SNX29: variants seen among roughly 807,000 people sequenced by gnomAD.
SNX29 encodes the protein sorting nexin-29.
A neutral mutation model predicts 102.1 loss-of-function variants in SNX29; 78 were observed. The ratio of observed to expected loss-of-function variants is 0.76; its 90% CI spans 0.64 to 0.92. The LOEUF (loss-of-function observed/expected upper bound fraction) is 0.92. Among genes scored for constraint, SNX29 ranks in the 40% least tolerant of loss-of-function variants. The pLI is 0.00. For synonymous variants in SNX29, 580 were observed against 414.5 expected, an observed-to-expected ratio of 1.40 and a Z score of -4.85; for missense variants, 1,280 against 1,061.7, an observed-to-expected ratio of 1.21 and a Z score of -2.86.
intron 19 of SNX29, among the ~76,000 whole-genome samples, chr16:12,511,860 G>C (rs1305505132): frequency 6.6e-6 from 1 of 151,962 alleles, no homozygotes; most frequent in Admixed American, 6.6e-5. Context: ...TATGGGACTT[G>C]AGAACTTCAG....
chr16:12,257,988 C>T (rs754958613), intron 14 of SNX29, among the ~76,000 whole-genome samples: 2 of 152,196 alleles, frequency 1.3e-5, no homozygotes, highest in Non-Finnish European at 2.9e-5. Flanking sequence ...GTCCTCACTG[C>T]TATCGCCTGG....
chr16:12,414,067 T>A (rs1213118117), intron 18 of SNX29, among the ~76,000 whole-genome samples: 4 of 152,212 alleles, frequency 2.6e-5, no homozygotes, highest in Admixed American at 2.6e-4. Flanking sequence ...TGTAAATATT[T>A]GTTACATGGT....
At chr16:12,337,232 A>T (rs541763717) in intron 15 of SNX29, among the ~76,000 whole-genome samples, 11 of 152,130 alleles carry the variant, frequency 7.2e-5, no homozygotes, top group Non-Finnish European at 1.2e-4. Flanking sequence ...CACTGTCTCC[A>T]CAGTTGCTGG....
intron 1 of SNX29, 62 bp from the exon 2 acceptor site, chr16:11,999,235 C>G (rs2056199298): frequency 6.7e-7 from 1 of 1,485,080 alleles, no homozygotes; most frequent in Non-Finnish European, 9.4e-7. Context: ...AAGGACTGAT[C>G]TAGTTGGGGA....
In SNX29 at chr16:12,573,798, G is replaced by A. The variant is rs1303526924; in HGVS notation, c.*5169G>A. ...GAGACCATTAATTTCCCGGAGTGAAGGGGATGGGGGTAGAGCTAATTGGAA... is the reference window on the plus strand; with the variant it reads ...GAGACCATTAATTTCCCGGAGTGAAAGGGATGGGGGTAGAGCTAATTGGAA... On this transcript the variant is annotated 3_prime_UTR_variant, in exon 21 of 21. Transcript: ENST00000566228. The A allele has an allele frequency of 4.5e-6, 1 of 220,824 alleles. No homozygotes were observed. The highest frequency in any genetic ancestry group is 9.1e-6 in the Non-Finnish European group (1 of 110,408). The allele number at this position is 220,824 out of a possible 1,614,324, so 13.7% of individuals were successfully genotyped here.
intron 20 of SNX29, among the ~76,000 whole-genome samples, chr16:12,559,590 A>G (rs571087736): frequency 1.3e-5 from 2 of 151,964 alleles, no homozygotes; most frequent in South Asian, 4.1e-4. Flanking sequence ...CCTGGTGCCA[A>G]AAAGGTTGGG....
intron 15 of SNX29, among the ~76,000 whole-genome samples, chr16:12,306,101 A>G (rs377711739): frequency 5.3e-5 from 8 of 152,108 alleles, no homozygotes; most frequent in East Asian, 1.9e-4. Flanking sequence ...TCATGATCAT[A>G]TGAGGGGCCC....
chr16:12,348,977 C>A (rs2081912615), intron 15 of SNX29, among the ~76,000 whole-genome samples: 1 of 152,160 alleles, frequency 6.6e-6, no homozygotes, highest in African/African-American at 2.4e-5. Flanking sequence ...GAAGACAGCG[C>A]CCTTAGTTTA....
intron 18 of SNX29, among the ~76,000 whole-genome samples, chr16:12,436,310 C>T (rs1204514074): frequency 6.6e-6 from 1 of 152,130 alleles, no homozygotes; most frequent in Non-Finnish European, 1.5e-5. Context: ...CGTTTCTATT[C>T]GGAGAGAGGG....
chr16:12,432,035 A>G (rs1299156987), intron 18 of SNX29, among the ~76,000 whole-genome samples: 1 of 152,230 alleles, frequency 6.6e-6, no homozygotes, highest in African/African-American at 2.4e-5. Context: ...AGTTCAGCAA[A>G]TAGCACTTTA....
chr16:12,218,252 G>C (rs975249710), intron 14 of SNX29, among the ~76,000 whole-genome samples: 2 of 152,130 alleles, frequency 1.3e-5, no homozygotes, highest in African/African-American at 4.8e-5. Context: ...GCAGTGCAGA[G>C]GTACGTAAAG....
At chr16:12,133,381 C>A (rs1475144428) in intron 13 of SNX29, among the ~76,000 whole-genome samples, 1 of 149,016 alleles carries the variant, frequency 6.7e-6, no homozygotes, top group African/African-American at 2.5e-5. Context: ...TCCTCCGCCT[C>A]CTGGGCTCAA....
chr16:12,147,970 A>C (rs543981496), intron 13 of SNX29, among the ~76,000 whole-genome samples: 2 of 152,332 alleles, frequency 1.3e-5, no homozygotes, highest in Admixed American at 1.3e-4. Context: ...GATGCAGTTT[A>C]AAGAGAGACA....
intron 19 of SNX29, among the ~76,000 whole-genome samples, chr16:12,523,399 T>C (rs1474725386): frequency 1.3e-5 from 2 of 152,224 alleles, no homozygotes; most frequent in Non-Finnish European, 2.9e-5. Context: ...CAGCTCTTTG[T>C]TTCTTCACCT....
At chr16:12,007,500 C>T (rs1267854315) in intron 3 of SNX29, among the ~76,000 whole-genome samples, 1 of 151,978 alleles carries the variant, frequency 6.6e-6, no homozygotes, top group African/African-American at 2.4e-5. Flanking sequence ...GTAAGACTCT[C>T]TCAAAAAAAT....
intron 3 of SNX29, among the ~76,000 whole-genome samples, chr16:12,023,577 C>CAAAA (rs542942692): frequency 5.2e-5 from 7 of 135,400 alleles, no homozygotes; most frequent in Admixed American, 3.0e-4. Context: ...GACCCTGTCT[C>CAAAA]AAAAAAAAAA....
chr16:12,099,914 G>A (rs190782824), intron 11 of SNX29, among the ~76,000 whole-genome samples: 1 of 152,230 alleles, frequency 6.6e-6, no homozygotes, highest in Non-Finnish European at 1.5e-5. Flanking sequence ...TGATGAACCC[G>A]GGATGATGGT....
intron 11 of SNX29, among the ~76,000 whole-genome samples, chr16:12,090,929 C>A (rs993757900): frequency 2.1e-4 from 29 of 138,694 alleles, no homozygotes; most frequent in African/African-American, 7.8e-4. Context: ...GCAGGAGAAT[C>A]ACTTGAACCC....
rs150410549 is a variant in SNX29, at chr16:12,043,851, C to T, written c.428+774C>T. 3.1e-3 allele frequency among the ~76,000 whole-genome samples: 465 copies of T among 152,222 alleles called. 3 individuals are homozygous for T. The highest frequency in any genetic ancestry group is 0.01 in the African/African-American group (428 of 41,544). ...TCACTGCAACCTCCGTCTCCTAGTT[C>T]GAGCGATTCTCCTGCCTCAGCCTCC... On this transcript the variant is annotated intron_variant, in intron 5 of 20. Coordinates refer to ENST00000566228, the MANE Select transcript of SNX29 (RefSeq NM_032167.5).
Sources: allele counts gnomAD v4.1 joint callset (sites outside exome capture counted in the v4.1 genomes callset), GRCh38; gene constraint gnomAD v4.1.1; transcripts MANE v1.5; gene names NCBI Gene and HGNC (gene_info 2026-07-23, HGNC 2026-07-21).